Variants in ITGBL1 observed in about 807,000 individuals in gnomAD.
ITGBL1 encodes integrin subunit beta like 1, also known as integrin beta-like protein 1.
In ITGBL1, 51 loss-of-function variants were observed where a neutral mutation model predicts 68.5. The ratio of observed to expected loss-of-function variants is 0.74; its 90% CI spans 0.59 to 0.94. The LOEUF is 0.94. Among genes scored for constraint, ITGBL1 ranks in the 40% least tolerant of loss-of-function variants. The pLI, the probability that ITGBL1 is intolerant of heterozygous loss-of-function variation, is 0.00. For synonymous variants in ITGBL1, 209 were observed against 227.3 expected (o/e 0.92, Z 0.72); for missense variants, 649 against 647.4 (o/e 1.00, Z -0.03).
chr13:101,489,962 T>C, intron 2 of ITGBL1: 6 of 1,509,404 alleles, frequency 4.0e-6, no homozygotes, highest in Non-Finnish European at 5.3e-6. Flanking sequence ...AAACTTTGTC[T>C]CATGAACTTA....
chr13:101,498,753 G>A (rs1263470198), intron 2 of ITGBL1, among the ~76,000 whole-genome samples: 1 of 152,090 alleles, frequency 6.6e-6, no homozygotes, highest in Non-Finnish European at 1.5e-5. Flanking sequence ...CCGCAGATGG[G>A]GATTTTACCT....
At chr13:101,606,411 A>G (rs1033439153) in intron 7 of ITGBL1, among the ~76,000 whole-genome samples, 1 of 151,512 alleles carries the variant, frequency 6.6e-6, no homozygotes, top group Non-Finnish European at 1.5e-5. Flanking sequence ...TAGCCATTAT[A>G]GGTATAAAGA....
chr13:101,462,874 C>T (rs914253095), intron 2 of ITGBL1, among the ~76,000 whole-genome samples: 2 of 152,178 alleles, frequency 1.3e-5, no homozygotes, highest in South Asian at 4.1e-4. Context: ...TGAGCCATGG[C>T]ACCTGGCCTT....
chr13:101,453,281 G>A (rs1017186855), intron 1 of ITGBL1, among the ~76,000 whole-genome samples: 61 of 152,210 alleles, frequency 4.0e-4, no homozygotes, highest in African/African-American at 1.4e-3. Flanking sequence ...GCAACAGGAG[G>A]TCTGTGTTAC....
chr13:101,509,808 G>A (rs76018118), intron 2 of ITGBL1, among the ~76,000 whole-genome samples: 3,329 of 152,030 alleles, frequency 0.022, 123 homozygotes, highest in African/African-American at 0.076. Context: ...TAATCTCCTT[G>A]AAAAACACCA....
intron 9 of ITGBL1, chr13:101,712,015 T>C (rs755834201): frequency 6.6e-6 from 1 of 152,214 alleles, no homozygotes; most frequent in Non-Finnish European, 1.5e-5. Flanking sequence ...TGGAACCCTC[T>C]CCCTGTGTGC....
At chr13:101,467,882 T>A (rs1015044362) in intron 2 of ITGBL1, among the ~76,000 whole-genome samples, 6 of 152,154 alleles carry the variant, frequency 3.9e-5, no homozygotes, top group Non-Finnish European at 5.9e-5. Context: ...AGGCTAAATT[T>A]TTTTTTTTAA....
At chr13:101,468,932 T>A (rs1410933007) in intron 2 of ITGBL1, among the ~76,000 whole-genome samples, 1 of 152,208 alleles carries the variant, frequency 6.6e-6, no homozygotes, top group African/African-American at 2.4e-5. Flanking sequence ...AAGGAACTCC[T>A]CCATAACCTA....
intron 3 of ITGBL1, 86 bp from the exon 4 acceptor site, chr13:101,575,338 C>T: frequency 7.9e-7 from 1 of 1,260,738 alleles, no homozygotes; most frequent in Non-Finnish European, 1.1e-6. Flanking sequence ...GGATTATCTA[C>T]TCTCTTGAGA....
chr13:101,713,397 C>G (rs1013434103), intron 9 of ITGBL1: 1 of 152,008 alleles, frequency 6.6e-6, no homozygotes, highest in Non-Finnish European at 1.5e-5. Context: ...TTAAATATGT[C>G]AAAATACTCT....
chr13:101,507,088 C>T (rs1174386524), intron 2 of ITGBL1, among the ~76,000 whole-genome samples: 5 of 152,142 alleles, frequency 3.3e-5, no homozygotes, highest in Non-Finnish European at 7.3e-5. Context: ...AGAGAAGATT[C>T]CTTCTCCACG....
chr13:101,515,844 C>T (rs1247946654), intron 2 of ITGBL1, among the ~76,000 whole-genome samples: 1 of 152,048 alleles, frequency 6.6e-6, no homozygotes, highest in Non-Finnish European at 1.5e-5. Context: ...CATCAGTAAC[C>T]GAAAATGGCA....
chr13:101,572,766 G>T (rs954622629), intron 3 of ITGBL1, among the ~76,000 whole-genome samples: 3 of 151,944 alleles, frequency 2.0e-5, no homozygotes, highest in African/African-American at 7.3e-5. Flanking sequence ...GCTGCCTATG[G>T]GGGACTTCAG....
At chr13:101,598,007 G>C in intron 6 of ITGBL1, 146 bp from the exon 7 acceptor site, 1 of 645,728 alleles carries the variant, frequency 1.5e-6, no homozygotes, top group Non-Finnish European at 2.5e-6. Context: ...TTAAGAATTT[G>C]AGAAAAATGT....
chr13:101,536,898 A>T (rs1219213513), intron 2 of ITGBL1, among the ~76,000 whole-genome samples: 1 of 152,046 alleles, frequency 6.6e-6, no homozygotes, highest in Non-Finnish European at 1.5e-5. Context: ...ATGGCATTTA[A>T]AGGTTTAATT....
At chr13:101,584,010 A>G (rs1042964504) in intron 6 of ITGBL1, among the ~76,000 whole-genome samples, 27 of 152,246 alleles carry the variant, frequency 1.8e-4, no homozygotes, top group African/African-American at 6.0e-4. Flanking sequence ...ATATTAATGT[A>G]TTACAAAACA....
rs1288798493 is a variant in ITGBL1 at position 101,692,484 on chromosome 13, T to C, written c.1016-101T>C. The C allele has an allele frequency of 2.9e-5, 22 of 760,084 alleles. No homozygotes were observed. The Admixed American group carries it at 3.7e-4, about 13-fold the overall frequency. 47.1% of individuals were successfully genotyped at this position (760,084 alleles called of 1,614,324 possible). On this transcript the variant is annotated intron_variant, in intron 7 of 10. Coordinates refer to ENST00000376180, the MANE Select transcript of ITGBL1 (RefSeq NM_004791.3). ...ACTATTATCAGGCACAGACTGGAAC[T>C]ATTCTAGGAGATTTGGGTTTAATAG...
chr13:101,537,124 A>G (rs9585724), intron 2 of ITGBL1, among the ~76,000 whole-genome samples: 3,076 of 152,124 alleles, frequency 0.02, 106 homozygotes, highest in African/African-American at 0.07. Flanking sequence ...CTTCTCTAAC[A>G]TTCAATAATC....
chr13:101,676,227 T>C (rs1422135084), intron 7 of ITGBL1, among the ~76,000 whole-genome samples: 1 of 152,122 alleles, frequency 6.6e-6, no homozygotes, highest in South Asian at 2.1e-4. Flanking sequence ...GTTGTTGTTG[T>C]TGGTTTTGGT....
Sources: allele counts gnomAD v4.1 joint callset (sites outside exome capture counted in the v4.1 genomes callset), GRCh38; gene constraint gnomAD v4.1.1; transcripts MANE v1.5; gene names NCBI Gene and HGNC (gene_info 2026-07-23, HGNC 2026-07-21).